RPUSD4: variants seen among roughly 807,000 people sequenced by gnomAD.
RPUSD4 encodes the protein pseudouridylate synthase RPUSD4, mitochondrial.
A neutral mutation model predicts 35.4 loss-of-function variants in RPUSD4; 37 were observed. That is an observed-to-expected ratio of 1.04 (90% CI 0.80 to 1.37). The LOEUF is 1.37. Among genes scored for constraint, RPUSD4 ranks in the 40% most tolerant of loss-of-function variants. RPUSD4 has a pLI of 0.00. For missense variants in RPUSD4, 507 were observed against 484.9 expected (o/e 1.05, Z -0.43); for synonymous variants, 210 against 192.7 (o/e 1.09, Z -0.74).
rs112629793 is a variant in RPUSD4, at chr11:126,204,107, T to C, written c.894+124A>G. On this transcript the variant is annotated intron_variant, in intron 6 of 6. Transcript: ENST00000298317. ...CTAAATTTCTCTAAAATCAAGATAATGAGCTTGGTATCATGTCTGAAGACA... is the reference window on the plus strand; with the variant it reads ...CTAAATTTCTCTAAAATCAAGATAACGAGCTTGGTATCATGTCTGAAGACA... 2.2e-3 allele frequency: 1,601 copies of C among 744,028 alleles called. 15 individuals carry two copies. The African/African-American group carries it at 0.027, about 12-fold the overall frequency. The allele number at this position is 744,028 out of a possible 1,614,324, so 46.1% of individuals were successfully genotyped here.
chr11:126,210,516 T>TACATAC (rs1330989317), intron 2 of RPUSD4, among the ~76,000 whole-genome samples: 5 of 78,584 alleles, frequency 6.4e-5, no homozygotes, highest in African/African-American at 1.2e-4. Context: ...TACTCCAACA[T>TACATAC]ACATACACAC....
At chr11:126,207,237 GC>G (rs1408604984) in intron 3 of RPUSD4, among the ~76,000 whole-genome samples, 1 of 151,994 alleles carries the variant, frequency 6.6e-6, no homozygotes, top group African/African-American at 2.4e-5. Context: ...CCTGCCCAAG[GC>G]CCCACAGCTG....
intron 3 of RPUSD4, among the ~76,000 whole-genome samples, chr11:126,208,286 A>G (rs1416746700): frequency 6.6e-6 from 1 of 152,254 alleles, no homozygotes; most frequent in Non-Finnish European, 1.5e-5. Flanking sequence ...ATCCATCCAT[A>G]CAGCGGTATT....
rs947757853 is a variant in RPUSD4, at chr11:126,208,358, T to C, written c.557+1163A>G. Among the ~76,000 whole-genome samples the C allele has an allele frequency of 5.9e-5, 9 of 152,188 alleles. No homozygotes were observed. The East Asian group carries it at 1.7e-3, about 29-fold the overall frequency. On this transcript the variant is annotated intron_variant, in intron 3 of 6. Coordinates refer to ENST00000298317, the MANE Select transcript of RPUSD4 (RefSeq NM_032795.3). ...ATGACACAAAATGCTCTAAGATATA[T>C]GATCCAAGTGAAAACTGTAGGGTAC...
At position 126,205,746 on chromosome 11, in the gene RPUSD4, C is replaced by G. The variant is rs779719760; in HGVS notation, c.593G>C (p.Gly198Ala). 1 of 1,612,540 alleles carries G rather than the reference C, an allele frequency of 6.2e-7. No individual in the cohort carries two copies. Among genetic ancestry groups the G allele is most frequent in the South Asian group, 1.1e-5 (1 of 90,846 alleles). Residue 198 changes from glycine to alanine, a missense_variant, in exon 4 of 7, where the codon GGA becomes GCA. By Grantham distance (60) the Gly-to-Ala change is moderately conservative (BLOSUM62 0). Coordinates refer to ENST00000298317, the MANE Select transcript of RPUSD4 (RefSeq NM_032795.3). ...ITVHVPMPSA[G>A]VVDIPIVEKE... ...CTCCACAATGGGGATGTCCACGACT[C>G]CTGCTGAGGGCATGGGGACATGCAC...
At position 126,210,909 on chromosome 11, in the gene RPUSD4, G is replaced by A. The variant is rs369218310; in HGVS notation, c.336C>T (p.Pro112=). The change falls in exon 2 of 7, where the codon CCC becomes CCT. Residue 112 remains proline (P), a synonymous_variant. Coordinates refer to ENST00000298317, the MANE Select transcript of RPUSD4 (RefSeq NM_032795.3). The stretch of plus-strand genomic sequence containing the variant: ...CCTTACCATGCACAGGGAGACCGTA[G>A]GGCTTATTGATGACCACAAGGTTCT... ...QDKNLVVINK[P]YGLPVHGGPG... is the part of the protein sequence containing the mutation. The A allele has an allele frequency of 6.2e-7, 1 of 1,614,184 alleles. No individual in the cohort carries two copies. The highest frequency in any genetic ancestry group is 8.5e-7 in the Non-Finnish European group (1 of 1,180,034).
At position 126,203,380 on chromosome 11, in the gene RPUSD4, TCACTGTGCTCCCAGGTGC is replaced by T; in HGVS notation, c.*20_*37del. The T allele has an allele frequency of 6.3e-7, 1 of 1,598,122 alleles. No homozygotes were observed. Among genetic ancestry groups the T allele is most frequent in the Non-Finnish European group, 8.5e-7 (1 of 1,177,078 alleles). On this transcript the variant is annotated 3_prime_UTR_variant, in exon 7 of 7. Coordinates refer to ENST00000298317, the MANE Select transcript of RPUSD4 (RefSeq NM_032795.3). ...AGGTGCCAGGATGCTCTCAGGGTCTTCACTGTGCTCCCAGGTGCCAGGGTGCTCCCATGGTCTTCACTG... is the reference window on the plus strand; with the variant it reads ...AGGTGCCAGGATGCTCTCAGGGTCTTCAGGGTGCTCCCATGGTCTTCACTG...
chr11:126,206,007 T>G, intron 3 of RPUSD4: 1 of 405,876 alleles, frequency 2.5e-6, no homozygotes, highest in East Asian at 3.6e-5. Flanking sequence ...TGTAGAATAT[T>G]TGGGGTAAAA....
Position 126,205,703 on chromosome 11 carries a change from C to T in RPUSD4, c.636G>A (p.Gln212=). 1.2e-6 allele frequency: 2 copies of T among 1,613,430 alleles called. No homozygotes were observed. ...IPIVEKEAQG[Q]QQHHKMTLSP... ...GCTCGCTCACCTTGTGGTGTTGCTG[C>T]TGGCCTTGCGCCTCCTTCTCCACAA... is the stretch of plus-strand genomic sequence containing the variant. The change falls in exon 4 of 7, where the codon CAG becomes CAA. Residue 212 remains glutamine, a synonymous_variant. Coordinates refer to ENST00000298317, the MANE Select transcript of RPUSD4 (RefSeq NM_032795.3).
At chr11:126,211,419 C>A in intron 1 of RPUSD4, 31 bp downstream of exon 1, 1 of 1,587,950 alleles carries the variant, frequency 6.3e-7, no homozygotes, top group Non-Finnish European at 8.6e-7. Flanking sequence ...AGCGCACTGC[C>A]TCTAGGGAGT....
chr11:126,210,805 G>C, intron 2 of RPUSD4, 85 bp downstream of exon 2: 1 of 1,357,418 alleles, frequency 7.4e-7, no homozygotes. Context: ...AGGCTTTAGA[G>C]TGCACCACAA....
intron 3 of RPUSD4, among the ~76,000 whole-genome samples, chr11:126,207,359 T>C (rs1467539903): frequency 1.3e-5 from 2 of 152,200 alleles, no homozygotes; most frequent in African/African-American, 2.4e-5. Flanking sequence ...TGATTGTATA[T>C]CAAATTTTAA....
Position 126,203,329 on chromosome 11 carries a change from C to A in RPUSD4, c.*89G>T. ...TTAGCAGAGTCCTGTAAACAAAGAA[C>A]AGTTCAGGGGCCAACCTGCGCTCCC... On this transcript the variant is annotated 3_prime_UTR_variant, in exon 7 of 7. Transcript: ENST00000298317. 1 of 1,546,076 alleles carries A rather than the reference C, an allele frequency of 6.5e-7. No homozygotes were observed.
rs770502629 is a variant in RPUSD4 at position 126,205,558 on chromosome 11, G to A, written c.706C>T (p.Arg236Cys). Residue 236 changes from arginine to cysteine, a missense_variant, in exon 5 of 7, where the codon CGC becomes TGC. Physicochemically the swap from Arg to Cys is radical, Grantham distance 180. Coordinates refer to ENST00000298317, the MANE Select transcript of RPUSD4 (RefSeq NM_032795.3). ...ACAGCAACTTGCGCATTCCGGCTGC[G>A]CCGCACTTTCACCATTTTCCCATCG... is the stretch of plus-strand genomic sequence containing the variant. The part of the protein sequence containing the change: ...MDDGKMVKVR[R>C]SRNAQVAVTQ... The A allele has an allele frequency of 2.8e-5, 45 of 1,614,140 alleles. No individual in the cohort carries two copies. The highest frequency in any genetic ancestry group is 3.3e-5 in the Non-Finnish European group (39 of 1,180,046).
intron 2 of RPUSD4, among the ~76,000 whole-genome samples, 169 bp from the exon 3 acceptor site, chr11:126,209,891 A>C (rs1949823764): frequency 6.6e-6 from 1 of 152,220 alleles, no homozygotes; most frequent in South Asian, 2.1e-4. Flanking sequence ...AGCTTATTAG[A>C]AGTGAATCTC....
chr11:126,210,786 T>C (rs1949848165), intron 2 of RPUSD4, 104 bp downstream of exon 2: 12 of 1,173,416 alleles, frequency 1.0e-5, no homozygotes, highest in African/African-American at 1.5e-5. Context: ...TTTAATTAAT[T>C]TGAATGCAAG....
intron 3 of RPUSD4, among the ~76,000 whole-genome samples, chr11:126,206,767 C>T (rs112976845): frequency 2.6e-5 from 4 of 152,154 alleles, no homozygotes; most frequent in Admixed American, 6.5e-5. Flanking sequence ...TCACTAACCA[C>T]GGGGTCAAAA....
At position 126,211,518 on chromosome 11, in the gene RPUSD4, T is replaced by C; in HGVS notation, c.121A>G (p.Ile41Val). 3 of 1,614,252 alleles carry C rather than the reference T, an allele frequency of 1.9e-6. No homozygotes were observed. The highest frequency in any genetic ancestry group is 2.2e-5 in the East Asian group (1 of 44,872). ...TTCTCCGCTAATCTCTGGGCATTTA[T>C]GGCCGTAGAGGCAGCGGCAGCGGCA... ...FCAAAAASTA[I>V]NAQRLAEKLR... is the part of the protein sequence containing the mutation. The change falls in exon 1 of 7, where the codon ATA (isoleucine) becomes GTA (valine). Residue 41 changes from isoleucine to valine, a missense_variant. By Grantham distance (29) the Ile-to-Val change is conservative. Transcript: ENST00000298317.
chr11:126,204,056 T>C (rs1036964521), intron 6 of RPUSD4, among the ~76,000 whole-genome samples, 175 bp downstream of exon 6: 3 of 152,192 alleles, frequency 2.0e-5, no homozygotes, highest in African/African-American at 7.2e-5. Flanking sequence ...ATCCTGCAGT[T>C]CCACAAGGAC....
Sources: gnomAD v4.1 joint callset for allele counts (sites outside exome capture counted in the v4.1 genomes callset) on GRCh38, gnomAD v4.1.1 for gene constraint, MANE v1.5 for transcripts, NCBI Gene and HGNC (gene_info 2026-07-23, HGNC 2026-07-21) for gene names.